Variants in ZNF469 observed in about 807,000 individuals in gnomAD.
ZNF469 encodes the protein zinc finger protein 469.
In ZNF469, 1 loss-of-function variant was observed where a neutral mutation model predicts 1.0. The observed-to-expected ratio is 1.00, with a 90% confidence interval of 0.35 to 4.73. The LOEUF is 4.73. Among genes scored for constraint, ZNF469 ranks in the 30% most tolerant of loss-of-function variants. The pLI is 0.16. For synonymous variants in ZNF469, 2,703 were observed against 2,363.4 expected, an observed-to-expected ratio of 1.14 and a Z score of -4.17; for missense variants, 6,100 against 5,356.3, an observed-to-expected ratio of 1.14 and a Z score of -4.33.
At chr16:88,166,405 TG>T in the ZNF469 span, among the ~76,000 whole-genome samples, 1 of 152,106 alleles carries the variant, frequency 6.6e-6, no homozygotes, top group African/African-American at 2.4e-5. This position sits in a 1 kb window ranked among gnomAD's most constrained non-coding sequence, Gnocchi z 4.5. Context: ...GTGCAATCGT[TG>T]TTTACGTTTT....
chr16:88,259,043 A>T, the ZNF469 span, among the ~76,000 whole-genome samples: 39,928 of 151,690 alleles, frequency 0.26, 5,716 homozygotes, highest in East Asian at 0.58. The surrounding 1 kb of genome is among the most constrained non-coding windows in gnomAD (Gnocchi z 4.1). Flanking sequence ...TTTCCTCTTG[A>T]CCCAGCTTAG....
the ZNF469 span, among the ~76,000 whole-genome samples, chr16:88,309,055 G>A: frequency 4.4e-4 from 67 of 152,224 alleles, no homozygotes; most frequent in East Asian, 1.9e-4. Flanking sequence ...CCAGACCCAC[G>A]TCCCGACTGG....
chr16:88,325,488 C>G, the ZNF469 span, among the ~76,000 whole-genome samples: 1 of 152,256 alleles, frequency 6.6e-6, no homozygotes, highest in Non-Finnish European at 1.5e-5. Flanking sequence ...GGACACAGGT[C>G]AGTGATAGGC....
the ZNF469 span, among the ~76,000 whole-genome samples, chr16:88,206,586 C>A: frequency 6.6e-6 from 1 of 152,084 alleles, no homozygotes; most frequent in Non-Finnish European, 1.5e-5. Flanking sequence ...ACAAACAAAA[C>A]CCTACACTTG....
chr16:88,375,560 C>G, the ZNF469 span, among the ~76,000 whole-genome samples: 1 of 152,262 alleles, frequency 6.6e-6, no homozygotes, highest in Non-Finnish European at 1.5e-5. Context: ...CCCTGGTACA[C>G]CCAGACATCG....
At chr16:88,200,872 C>A in the ZNF469 span, among the ~76,000 whole-genome samples, 17 of 152,248 alleles carry the variant, frequency 1.1e-4, no homozygotes, top group African/African-American at 4.1e-4. Context: ...ACTCAGGTCG[C>A]GTTCCTCCGG....
At chr16:88,131,186 C>T in the ZNF469 span, among the ~76,000 whole-genome samples, 3 of 152,240 alleles carry the variant, frequency 2.0e-5, no homozygotes, top group Non-Finnish European at 2.9e-5. Flanking sequence ...CTGTCTGGGC[C>T]ATTCCGTGTC....
At chr16:88,358,187 G>A in the ZNF469 span, among the ~76,000 whole-genome samples, 1 of 152,234 alleles carries the variant, frequency 6.6e-6, no homozygotes, top group South Asian at 2.1e-4. Flanking sequence ...AAGAACAGAG[G>A]CGGGCATTGT....
the ZNF469 span, among the ~76,000 whole-genome samples, chr16:88,148,308 G>A: frequency 2.6e-5 from 4 of 152,190 alleles, no homozygotes; most frequent in East Asian, 7.7e-4. Context: ...CCTGCAGCAT[G>A]TTCTGCACAT....
chr16:88,253,048 A>G, the ZNF469 span, among the ~76,000 whole-genome samples: 32,290 of 152,052 alleles, frequency 0.21, 4,364 homozygotes, highest in East Asian at 0.31. Context: ...ATTGCTTTTT[A>G]TCACTGAGCA....
At chr16:88,122,270 A>G in the ZNF469 span, among the ~76,000 whole-genome samples, 1 of 149,886 alleles carries the variant, frequency 6.7e-6, no homozygotes, top group East Asian at 2.0e-4. Context: ...CTCTGATCAC[A>G]CCCCATCACT....
the ZNF469 span, among the ~76,000 whole-genome samples, chr16:88,274,272 T>G: frequency 6.6e-6 from 1 of 152,172 alleles, no homozygotes; most frequent in African/African-American, 2.4e-5. Context: ...GGGAAGTTAG[T>G]CTTTAATGGA....
the ZNF469 span, among the ~76,000 whole-genome samples, chr16:88,151,577 A>G: frequency 1.3e-5 from 2 of 152,208 alleles, no homozygotes; most frequent in Non-Finnish European, 2.9e-5. The surrounding 1 kb of genome is among the most constrained non-coding windows in gnomAD (Gnocchi z 5.4). Flanking sequence ...TTTGCTGTTA[A>G]TATAACTGTG....
the ZNF469 span, among the ~76,000 whole-genome samples, chr16:88,316,552 T>TTTTTTTC: frequency 7.0e-6 from 1 of 143,200 alleles, no homozygotes; most frequent in African/African-American, 2.6e-5. Context: ...TGTCTTTTTT[T>TTTTTTTC]TTTTTTTTTT....
chr16:88,351,937 T>TCC, the ZNF469 span, among the ~76,000 whole-genome samples: 9 of 152,150 alleles, frequency 5.9e-5, no homozygotes, highest in African/African-American at 2.2e-4. Flanking sequence ...ACACGACGTG[T>TCC]CCCACGTGAG....
chr16:88,316,650 G>A, the ZNF469 span, among the ~76,000 whole-genome samples: 1 of 148,796 alleles, frequency 6.7e-6, no homozygotes, highest in Admixed American at 6.8e-5. Context: ...GGGTTCAAGC[G>A]ATTCTCCTGC....
At chr16:88,246,805 A>G in the ZNF469 span, among the ~76,000 whole-genome samples, 4 of 151,408 alleles carry the variant, frequency 2.6e-5, no homozygotes. Context: ...AAATGAGTGA[A>G]TGAGGGAGTG....
chr16:88,247,782 GGAGTGAGTAAATGAGTGAATGAGTGAGT>G, the ZNF469 span, among the ~76,000 whole-genome samples: 1 of 149,146 alleles, frequency 6.7e-6, no homozygotes, highest in African/African-American at 2.5e-5. Context: ...AGTGAATGAG[GGAGTGAGTAAATGAGTGAATGAGTGAGT>G]GAGTGAGTGA....
chr16:88,296,776 T>TGCACACATGCTCTC, the ZNF469 span, among the ~76,000 whole-genome samples: 1 of 151,796 alleles, frequency 6.6e-6, no homozygotes, highest in Non-Finnish European at 1.5e-5. Flanking sequence ...CACACACACA[T>TGCACACATGCTCTC]GCACACATGC....
Sources: allele counts gnomAD v4.1 joint callset (sites outside exome capture counted in the v4.1 genomes callset), GRCh38; gene constraint gnomAD v4.1.1; non-coding constraint Gnocchi (gnomAD v3.1); transcripts MANE v1.5; gene names NCBI Gene and HGNC (gene_info 2026-07-23, HGNC 2026-07-21).